CCDC102A: variants seen among roughly 807,000 people sequenced by gnomAD.
CCDC102A encodes the protein coiled-coil domain-containing protein 102A.
In CCDC102A, 40 loss-of-function variants were observed where a neutral mutation model predicts 55.5. The observed-to-expected ratio is 0.72, with a 90% CI of 0.56 to 0.94. CCDC102A has a LOEUF of 0.94. Among genes scored for constraint, CCDC102A ranks in the 40% least tolerant of loss-of-function variants. The pLI, the probability that CCDC102A is intolerant of heterozygous loss-of-function variation, is 0.00. For synonymous variants in CCDC102A, 323 were observed against 339.0 expected (o/e 0.95, Z 0.52); for missense variants, 779 against 768.6 (o/e 1.01, Z -0.16).
At chr16:57,523,133 A>C (rs1360104648) in intron 3 of CCDC102A, among the ~76,000 whole-genome samples, 1 of 151,682 alleles carries the variant, frequency 6.6e-6, no homozygotes, top group Non-Finnish European at 1.5e-5. Flanking sequence ...GAGCCGCTGT[A>C]CCCCAGCCTG....
chr16:57,534,448 A>C (rs1252632053), intron 1 of CCDC102A, among the ~76,000 whole-genome samples: 1 of 152,122 alleles, frequency 6.6e-6, no homozygotes, highest in Admixed American at 6.5e-5. Context: ...ACTTGTCTGG[A>C]ATATCTCTCC....
chr16:57,533,868 C>T (rs2146723582), intron 1 of CCDC102A, among the ~76,000 whole-genome samples: 1 of 152,272 alleles, frequency 6.6e-6, no homozygotes, highest in Admixed American at 6.5e-5. Flanking sequence ...TTCCACCAGG[C>T]TCAATGCCCT....
At chr16:57,513,377 T>C (rs1463473543) in intron 8 of CCDC102A, among the ~76,000 whole-genome samples, 2 of 152,132 alleles carry the variant, frequency 1.3e-5, no homozygotes, top group East Asian at 3.9e-4. Flanking sequence ...GAAGAGCTGG[T>C]GAAGGAAATG....
chr16:57,515,497 G>C, intron 7 of CCDC102A, 53 bp from the exon 8 acceptor site: 1 of 1,196,346 alleles, frequency 8.4e-7, no homozygotes, highest in Non-Finnish European at 1.2e-6. Flanking sequence ...GCTGGGCAAG[G>C]CCGGCCACCC....
chr16:57,530,237 C>A (rs530724635), intron 1 of CCDC102A, among the ~76,000 whole-genome samples: 2 of 152,268 alleles, frequency 1.3e-5, no homozygotes, highest in South Asian at 4.2e-4. Flanking sequence ...TGTCTCACTT[C>A]AGCCTCCCCA....
At position 57,518,265 on chromosome 16, in the gene CCDC102A, G is replaced by A. The variant is rs747149447; in HGVS notation, c.1051C>T (p.Gln351Ter). Residue 351 changes from glutamine (Q) to a stop codon, truncating the protein, a stop_gained, in exon 6 of 9, where the codon CAG (glutamine) becomes TAG (stop). Transcript: ENST00000258214. LOFTEE classifies it high-confidence loss of function. ...AELRGEMERL[Q>*]AENAAEWGRR... is the part of the protein sequence containing the mutation. ...CCCCACTCCGCAGCGTTTTCGGCCT[G>A]CAGCCGCTCCATCTGCAGCAGGGCA... 2 of 1,609,016 alleles carry A rather than the reference G, an allele frequency of 1.2e-6. No individual in the cohort carries two copies. The highest frequency in any genetic ancestry group is 3.3e-5 in the Admixed American group (2 of 60,026).
intron 1 of CCDC102A, among the ~76,000 whole-genome samples, chr16:57,535,372 T>C (rs1280644093): frequency 2.0e-5 from 3 of 152,022 alleles, no homozygotes; most frequent in African/African-American, 7.2e-5. Context: ...GCCTGGATCA[T>C]TGATTTGAAC....
intron 8 of CCDC102A, 126 bp downstream of exon 8, chr16:57,515,215 T>C (rs373807569): frequency 1.5e-6 from 1 of 688,070 alleles, no homozygotes; most frequent in Admixed American, 2.1e-5. Flanking sequence ...GACAGGATTC[T>C]GGCTCCAGGC....
At chr16:57,525,656 T>C (rs1270388076) in intron 3 of CCDC102A, among the ~76,000 whole-genome samples, 2 of 152,164 alleles carry the variant, frequency 1.3e-5, no homozygotes, top group East Asian at 3.9e-4. Context: ...TTCTGTCTTA[T>C]TTACGGCTGT....
rs181771323 is a variant in CCDC102A at position 57,529,233 on chromosome 16, C to A, written c.-56G>T. Reference sequence around the variant, plus strand: ...TCGCGGTCGGGCTCAGGGGCGGCTCCGGGGACGCGCGGCGGGCGCGATACA... The same window carrying A: ...TCGCGGTCGGGCTCAGGGGCGGCTCAGGGGACGCGCGGCGGGCGCGATACA... On this transcript the variant is annotated 5_prime_UTR_variant, in exon 2 of 9. Transcript: ENST00000258214. This position sits in a 1 kb window ranked among gnomAD's most constrained non-coding sequence, Gnocchi z 4.1. 9.4e-4 allele frequency: 1,068 copies of A among 1,138,124 alleles called. 24 individuals are homozygous for A. In the Admixed American group the frequency reaches 0.025, roughly 27 times the overall value. The allele number at this position is 1,138,124 out of a possible 1,614,324, so 70.5% of individuals were successfully genotyped here. A position where few individuals can be genotyped will look rare whatever the true frequency, so the allele number is the denominator to read the frequency against.
At position 57,523,338 on chromosome 16, in the gene CCDC102A, A is replaced by G. The variant is rs918537480; in HGVS notation, c.813-2162T>C. 2.3e-4 allele frequency among the ~76,000 whole-genome samples: 35 copies of G among 152,172 alleles called. 1 individual carries two copies. The highest frequency in any genetic ancestry group is 8.4e-4 in the African/African-American group (35 of 41,426). On this transcript the variant is annotated intron_variant, in intron 3 of 8. Coordinates refer to ENST00000258214, the MANE Select transcript of CCDC102A (RefSeq NM_033212.4). ...GACTGGTTCTCTGAGGGCTGCGAGAAAGAATCCGTTCCATGCCTCTCTCCC... is the reference window on the plus strand; with the variant it reads ...GACTGGTTCTCTGAGGGCTGCGAGAGAGAATCCGTTCCATGCCTCTCTCCC...
intron 6 of CCDC102A, 61 bp downstream of exon 6, chr16:57,518,007 G>A: frequency 6.6e-7 from 1 of 1,507,286 alleles, no homozygotes; most frequent in South Asian, 1.3e-5. Context: ...TAGGGAAGCT[G>A]CGCTCTGGCT....
Position 57,512,308 on chromosome 16 carries a change from G to T in CCDC102A, c.*433C>A. 1 of 398,158 alleles carries T rather than the reference G, an allele frequency of 2.5e-6. No homozygotes were observed. The highest frequency in any genetic ancestry group is 1.3e-4 in the South Asian group (1 of 7,638). The allele number at this position is 398,158 out of a possible 1,614,324, so 24.7% of individuals were successfully genotyped here. On this transcript the variant is annotated 3_prime_UTR_variant, in exon 9 of 9. Coordinates refer to ENST00000258214, the MANE Select transcript of CCDC102A (RefSeq NM_033212.4). Reference sequence around the variant, plus strand: ...ATACTTTCAGATGCCCCAAGAACTTGAACTTCATTTATTACAAATAACTGG... The same window carrying T: ...ATACTTTCAGATGCCCCAAGAACTTTAACTTCATTTATTACAAATAACTGG...
At position 57,516,203 on chromosome 16, in the gene CCDC102A, G is replaced by A; in HGVS notation, c.1419+90C>T. 2 of 1,343,134 alleles carry A rather than the reference G, an allele frequency of 1.5e-6. No homozygotes were observed. The highest frequency in any genetic ancestry group is 2.1e-6 in the Non-Finnish European group (2 of 974,372). 83.2% of individuals were successfully genotyped at this position (1,343,134 alleles called of 1,614,324 possible). A position where few individuals can be genotyped will look rare whatever the true frequency, so the allele number is the denominator to read the frequency against. ...GACAGGCTTGTGCCAGGCACCAGGG[G>A]CTGAGAATGGAGAAGCCAGGATGGC... On this transcript the variant is annotated intron_variant, in intron 7 of 8. Transcript: ENST00000258214. This position sits in a 1 kb window ranked among gnomAD's most constrained non-coding sequence, Gnocchi z 4.4.
chr16:57,519,124 C>T (rs1451036222), intron 4 of CCDC102A, among the ~76,000 whole-genome samples: 10 of 152,092 alleles, frequency 6.6e-5, no homozygotes, highest in South Asian at 2.1e-4. Context: ...AAGCCCTGCA[C>T]GATTGGACAC....
intron 1 of CCDC102A, among the ~76,000 whole-genome samples, chr16:57,535,936 G>T (rs1034617410): frequency 6.6e-6 from 1 of 152,146 alleles, no homozygotes. Context: ...CCCCAGCCCT[G>T]CGTCGCCTTA....
chr16:57,531,193 G>A (rs72791635), intron 1 of CCDC102A, among the ~76,000 whole-genome samples: 8,438 of 151,838 alleles, frequency 0.056, 350 homozygotes, highest in East Asian at 0.18. Context: ...GATGATTCAG[G>A]CTCATCTTGG....
Position 57,529,268 on chromosome 16 carries a change from G to A in CCDC102A, c.-91C>T, listed in dbSNP as rs2032207694. The A allele has an allele frequency of 8.9e-7, 1 of 1,118,412 alleles. No homozygotes were observed. The highest frequency in any genetic ancestry group is 1.1e-6 in the Non-Finnish European group (1 of 913,848). 69.3% of individuals were successfully genotyped at this position (1,118,412 alleles called of 1,614,324 possible). A position where few individuals can be genotyped will look rare whatever the true frequency, so the allele number is the denominator to read the frequency against. On this transcript the variant is annotated 5_prime_UTR_variant, in exon 2 of 9. Coordinates refer to ENST00000258214, the MANE Select transcript of CCDC102A (RefSeq NM_033212.4). This position sits in a 1 kb window ranked among gnomAD's most constrained non-coding sequence, Gnocchi z 4.1. The stretch of plus-strand genomic sequence containing the variant: ...CGGCGGGCGCGATACAACTGTGCAT[G>A]ATGACGCCGTGCCCCGCTTCCCTCT...
At chr16:57,518,534 G>A in intron 5 of CCDC102A, 91 bp downstream of exon 5, 3 of 1,068,692 alleles carry the variant, frequency 2.8e-6, no homozygotes, top group Non-Finnish European at 2.8e-6. Flanking sequence ...GCACAGTCCT[G>A]GCCCCTGCCC....
Sources: allele counts gnomAD v4.1 joint callset (sites outside exome capture counted in the v4.1 genomes callset), GRCh38; gene constraint gnomAD v4.1.1; non-coding constraint Gnocchi (gnomAD v3.1); transcripts MANE v1.5; gene names NCBI Gene and HGNC (gene_info 2026-07-23, HGNC 2026-07-21).